The following CSMD1 variants were observed in gnomAD, a reference collection of about 807,000 sequenced individuals.
CSMD1 encodes CUB and Sushi multiple domains 1.
In CSMD1, 213 loss-of-function variants were observed where a neutral mutation model predicts 417.5. That is an observed-to-expected ratio of 0.51 (90% CI 0.46 to 0.57). CSMD1 has a LOEUF of 0.57. Ranked by LOEUF, CSMD1 falls within the 20% of genes least tolerant of loss-of-function variation. The pLI is 0.00. For synonymous variants in CSMD1, 2,862 were observed against 1,736.8 expected, an observed-to-expected ratio of 1.65 and a Z score of -16.11; for missense variants, 6,923 against 4,529.7, an observed-to-expected ratio of 1.53 and a Z score of -15.17.
Position 3,695,367 on chromosome 8 carries a change from AT to A in CSMD1, c.1009+13046del, listed in dbSNP as rs200258799. 7.8e-3 allele frequency among the ~76,000 whole-genome samples: 1,189 copies of A among 152,228 alleles called. 5 individuals carry two copies. The highest frequency in any genetic ancestry group is 0.013 in the Non-Finnish European group (853 of 68,026). On this transcript the variant is annotated intron_variant, in intron 7 of 69. Coordinates refer to ENST00000635120, the MANE Select transcript of CSMD1 (RefSeq NM_033225.6). ...AAATGACAAATAACCACAAAAAAAA[AT>A]AATGACTCAACGTGTCCTGTATGCT...
intron 3 of CSMD1, among the ~76,000 whole-genome samples, chr8:4,259,539 CTT>C (rs34237961): frequency 3.1e-4 from 47 of 149,652 alleles, no homozygotes; most frequent in Admixed American, 5.3e-4. Flanking sequence ...TAAAAAATGT[CTT>C]TTTTTTTTTG....
At chr8:4,097,457 G>T (rs569020492) in intron 3 of CSMD1, among the ~76,000 whole-genome samples, 1 of 152,078 alleles carries the variant, frequency 6.6e-6, no homozygotes. Context: ...CATTAAAGGG[G>T]GTTGTAATAA....
At chr8:3,259,426 G>GTGAA (rs35622979) in intron 26 of CSMD1, among the ~76,000 whole-genome samples, 65,592 of 151,426 alleles carry the variant, frequency 0.43, 14,993 homozygotes, top group Non-Finnish European at 0.51. Flanking sequence ...GAATGAATGA[G>GTGAA]TGAATGAATG....
At chr8:4,827,281 C>CTTCAATTACT (rs1799889105) in intron 1 of CSMD1, among the ~76,000 whole-genome samples, 1 of 152,038 alleles carries the variant, frequency 6.6e-6, no homozygotes, top group African/African-American at 2.4e-5. Flanking sequence ...TACTTCATTA[C>CTTCAATTACT]TCATGTTTCA....
chr8:4,369,702 CTT>C (rs1202725852), intron 3 of CSMD1, among the ~76,000 whole-genome samples: 1 of 152,046 alleles, frequency 6.6e-6, no homozygotes. Context: ...ATGCCCTTGT[CTT>C]TTTTTATTGT....
At chr8:3,208,901 G>A (rs1797447569) in intron 30 of CSMD1, among the ~76,000 whole-genome samples, 1 of 152,122 alleles carries the variant, frequency 6.6e-6, no homozygotes, top group South Asian at 2.1e-4. Flanking sequence ...TCCTCAGCCT[G>A]CAGACAGCAT....
chr8:3,579,723 A>T (rs969171062), intron 9 of CSMD1, among the ~76,000 whole-genome samples: 3 of 152,214 alleles, frequency 2.0e-5, no homozygotes, highest in African/African-American at 4.8e-5. Flanking sequence ...CACTCAGCTT[A>T]TTTAATTAGA....
chr8:4,433,381 A>G lies in CSMD1; in HGVS notation c.303-13316T>C, dbSNP rs558941572. Among the ~76,000 whole-genome samples, 288 of 152,278 alleles carry G rather than the reference A, an allele frequency of 1.9e-3. 2 individuals are homozygous for G. Among genetic ancestry groups the G allele is most frequent in the African/African-American group, 6.6e-3 (273 of 41,552 alleles). On this transcript the variant is annotated intron_variant, in intron 2 of 69. Coordinates refer to ENST00000635120, the MANE Select transcript of CSMD1 (RefSeq NM_033225.6). ...CAACTCATAATATCATGGACATGAC[A>G]TCATTACATAAATTTCTACTAAAAG...
intron 1 of CSMD1, among the ~76,000 whole-genome samples, chr8:4,771,586 T>A (rs1234142684): frequency 1.3e-5 from 2 of 152,206 alleles, no homozygotes; most frequent in Non-Finnish European, 2.9e-5. Context: ...AATGGGATGT[T>A]GAAATATTGA....
chr8:3,592,776 G>C (rs1225575565), intron 8 of CSMD1, among the ~76,000 whole-genome samples: 2 of 152,098 alleles, frequency 1.3e-5, no homozygotes, highest in Non-Finnish European at 2.9e-5. Context: ...TTTTGTCCTA[G>C]CACAGCACAC....
chr8:3,855,541 C>T (rs1274455272), intron 5 of CSMD1, among the ~76,000 whole-genome samples: 1 of 152,168 alleles, frequency 6.6e-6, no homozygotes. Context: ...CCACTGTAGG[C>T]ATTAATGAGT....
At chr8:3,701,009 G>A (rs756091621) in intron 7 of CSMD1, among the ~76,000 whole-genome samples, 11 of 151,806 alleles carry the variant, frequency 7.2e-5, no homozygotes, top group Non-Finnish European at 1.6e-4. Flanking sequence ...TGGGGGTAAC[G>A]AGAAAGGCTT....
chr8:4,377,249 A>G (rs760656804), intron 3 of CSMD1, among the ~76,000 whole-genome samples: 1 of 152,202 alleles, frequency 6.6e-6, no homozygotes, highest in African/African-American at 2.4e-5. Flanking sequence ...TTAGTAATTA[A>G]ACAAAGCAAC....
intron 7 of CSMD1, among the ~76,000 whole-genome samples, chr8:3,672,788 A>G (rs1799146927): frequency 6.6e-6 from 1 of 152,164 alleles, no homozygotes; most frequent in South Asian, 2.1e-4. Context: ...TTCTCCTGGG[A>G]GAACCCTTTG....
chr8:4,930,996 A>G (rs1029766292), intron 1 of CSMD1, among the ~76,000 whole-genome samples: 1 of 152,206 alleles, frequency 6.6e-6, no homozygotes, highest in African/African-American at 2.4e-5. Context: ...GTAAGACAAT[A>G]TATGTATTAT....
chr8:4,984,675 G>A (rs898960222), intron 1 of CSMD1, among the ~76,000 whole-genome samples: 2 of 152,154 alleles, frequency 1.3e-5, no homozygotes, highest in African/African-American at 4.8e-5. Flanking sequence ...CCAGATAGAT[G>A]GAGAGAACAA....
At chr8:3,822,539 A>G (rs1801798026) in intron 5 of CSMD1, among the ~76,000 whole-genome samples, 1 of 152,184 alleles carries the variant, frequency 6.6e-6, no homozygotes, top group Non-Finnish European at 1.5e-5. Flanking sequence ...GTCTTCCCCG[A>G]CAGGCAATTC....
At chr8:3,257,409 T>C (rs1205084202) in intron 26 of CSMD1, among the ~76,000 whole-genome samples, 2 of 152,248 alleles carry the variant, frequency 1.3e-5, no homozygotes, top group Non-Finnish European at 2.9e-5. Context: ...AGGATCTCTT[T>C]CCTTGTGGAG....
intron 5 of CSMD1, among the ~76,000 whole-genome samples, chr8:3,916,889 G>C (rs560043156): frequency 3.9e-4 from 57 of 146,418 alleles, no homozygotes; most frequent in African/African-American, 1.4e-3. Flanking sequence ...AGCTGGTCAT[G>C]AAACAGAATG....
Sources: gnomAD v4.1 joint callset for allele counts (sites outside exome capture counted in the v4.1 genomes callset) on GRCh38, gnomAD v4.1.1 for gene constraint, MANE v1.5 for transcripts, NCBI Gene and HGNC (gene_info 2026-07-23, HGNC 2026-07-21) for gene names.